Variants in ZMIZ1 observed in about 807,000 individuals in gnomAD.
ZMIZ1 encodes zinc finger MIZ-type containing 1.
Under a neutral mutation model 113.9 loss-of-function variants are expected in ZMIZ1, and 17 were observed. The ratio of observed to expected loss-of-function variants is 0.15; its 90% CI spans 0.10 to 0.22. ZMIZ1 has a LOEUF of 0.22. Ranked by LOEUF, ZMIZ1 falls within the 10% of genes least tolerant of loss-of-function variation. The pLI is 1.00. For missense variants in ZMIZ1, 1,059 were observed against 1,477.8 expected, an observed-to-expected ratio of 0.72 and a Z score of 4.65; for synonymous variants, 607 against 603.1, an observed-to-expected ratio of 1.01 and a Z score of -0.09.
rs142476547 is a variant in ZMIZ1 at position 79,205,623 on chromosome 10, C to T, written c.61-2713C>T. Among the ~76,000 whole-genome samples, 146 of 152,316 alleles carry T rather than the reference C, an allele frequency of 9.6e-4. No individual in the cohort carries two copies. In the Middle Eastern group the frequency reaches 0.01, roughly 11 times the overall value. Reference sequence around the variant, plus strand: ...GCAGCCCTGAATGCCATCACTACCCCGTTTCACAGATGAGGGTCTGATGTG... The same window carrying T: ...GCAGCCCTGAATGCCATCACTACCCTGTTTCACAGATGAGGGTCTGATGTG... On this transcript the variant is annotated intron_variant, in intron 5 of 24. Coordinates refer to ENST00000334512, the MANE Select transcript of ZMIZ1 (RefSeq NM_020338.4).
chr10:79,113,004 G>A (rs1458041572), intron 1 of ZMIZ1, among the ~76,000 whole-genome samples: 1 of 152,142 alleles, frequency 6.6e-6, no homozygotes, highest in East Asian at 1.9e-4. Context: ...GAGCTCCTGG[G>A]CTCTTGAGCA....
chr10:79,194,971 A>G (rs1353402670), intron 4 of ZMIZ1, among the ~76,000 whole-genome samples: 3 of 152,204 alleles, frequency 2.0e-5, no homozygotes, highest in African/African-American at 2.4e-5. Context: ...CATTTGCCCA[A>G]CTAAGCCCAG....
At chr10:79,106,899 G>C (rs903636564) in intron 1 of ZMIZ1, among the ~76,000 whole-genome samples, 2 of 152,254 alleles carry the variant, frequency 1.3e-5, no homozygotes, top group Admixed American at 1.3e-4. Flanking sequence ...CCTGGTTTCA[G>C]ATCCTTCATC....
intron 1 of ZMIZ1, among the ~76,000 whole-genome samples, chr10:79,113,800 C>CAGTGGAG (rs2132303401): frequency 6.6e-6 from 1 of 152,156 alleles, no homozygotes; most frequent in Admixed American, 6.5e-5. Flanking sequence ...AGCCCCCTCT[C>CAGTGGAG]CATTGATGGC....
At chr10:79,197,588 C>G (rs1847882628) in intron 4 of ZMIZ1, among the ~76,000 whole-genome samples, 1 of 130,194 alleles carries the variant, frequency 7.7e-6, no homozygotes, top group Non-Finnish European at 1.6e-5. Context: ...CCTGCCAACC[C>G]AGACCATACA....
At chr10:79,295,545 G>A (rs1323179679) in intron 12 of ZMIZ1, 1 of 152,244 alleles carries the variant, frequency 6.6e-6, no homozygotes, top group Admixed American at 6.5e-5. Flanking sequence ...TTGGTGGGCA[G>A]GTAGGCACCA....
intron 7 of ZMIZ1, among the ~76,000 whole-genome samples, chr10:79,229,983 A>C (rs572986886): frequency 6.6e-6 from 1 of 152,312 alleles, no homozygotes; most frequent in South Asian, 2.1e-4. Flanking sequence ...ACTGAGGCTC[A>C]GAGAGGTTAA....
chr10:79,290,629 C>G (rs895882520), intron 9 of ZMIZ1: 1 of 504,020 alleles, frequency 2.0e-6, no homozygotes, highest in Non-Finnish European at 3.8e-6. Flanking sequence ...GCTCTCCCCA[C>G]GGGTACCTGG....
intron 7 of ZMIZ1, among the ~76,000 whole-genome samples, chr10:79,274,655 G>A (rs1380039717): frequency 6.6e-6 from 1 of 152,242 alleles, no homozygotes; most frequent in East Asian, 1.9e-4. Context: ...CGGCCTCGGG[G>A]GTGAGGGGTG....
intron 4 of ZMIZ1, among the ~76,000 whole-genome samples, chr10:79,164,962 C>T (rs1352172701): frequency 2.0e-5 from 3 of 152,176 alleles, no homozygotes. Context: ...GGCACCAGTG[C>T]CTGCTCCCCG....
Position 79,291,152 on chromosome 10 carries a change from C to T in ZMIZ1, c.734C>T (p.Pro245Leu). 1 of 1,611,576 alleles carries T rather than the reference C, an allele frequency of 6.2e-7. No individual in the cohort carries two copies. The highest frequency in any genetic ancestry group is 8.5e-7 in the Non-Finnish European group (1 of 1,178,126). ...QQSMYGRPNY[P>L]GSGGFGASYP... ...AGCATGTATGGCCGGCCCAACTACCCCGGCAGCGGGGGCTTTGGGGCCAGG... is the reference window on the plus strand; with the variant it reads ...AGCATGTATGGCCGGCCCAACTACCTCGGCAGCGGGGGCTTTGGGGCCAGG... The change falls in exon 10 of 25, where the codon CCC (proline) becomes CTC (leucine). Residue 245 changes from proline to leucine, a missense_variant. Physicochemically the swap from Pro to Leu is moderately conservative, Grantham distance 98 (BLOSUM62 -3). Coordinates refer to ENST00000334512, the MANE Select transcript of ZMIZ1 (RefSeq NM_020338.4).
intron 6 of ZMIZ1, among the ~76,000 whole-genome samples, chr10:79,212,149 TTTTTTTTTAA>T (rs1455076165): frequency 6.6e-6 from 1 of 151,886 alleles, no homozygotes; most frequent in Non-Finnish European, 1.5e-5. Flanking sequence ...TCTTCTTCTT[TTTTTTTTTAA>T]TTTTTTTTAA....
rs559009274 is a variant in ZMIZ1, at chr10:79,309,947, T to C, written c.2836-977T>C. Among the ~76,000 whole-genome samples the C allele has an allele frequency of 1.1e-3, 169 of 152,150 alleles. 1 individual carries two copies. The South Asian group carries it at 0.011, about 10-fold the overall frequency. On this transcript the variant is annotated intron_variant, in intron 23 of 24. Coordinates refer to ENST00000334512, the MANE Select transcript of ZMIZ1 (RefSeq NM_020338.4). Reference sequence around the variant, plus strand: ...GGATCAGGGCTTGGTCTGCGAGGATTCCCCGGCCTTTCACTTTGAAGGAGG... The same window carrying C: ...GGATCAGGGCTTGGTCTGCGAGGATCCCCCGGCCTTTCACTTTGAAGGAGG...
intron 7 of ZMIZ1, among the ~76,000 whole-genome samples, chr10:79,253,006 A>C (rs977348817): frequency 1.3e-5 from 2 of 152,206 alleles, no homozygotes; most frequent in African/African-American, 4.8e-5. Context: ...TGGTCCAGGC[A>C]CTGTGGGGAA....
intron 1 of ZMIZ1, among the ~76,000 whole-genome samples, chr10:79,108,200 G>A (rs1217331894): frequency 6.6e-6 from 1 of 152,198 alleles, no homozygotes; most frequent in East Asian, 1.9e-4. Flanking sequence ...AGCATCCACA[G>A]AGGAGCTTTT....
intron 4 of ZMIZ1, among the ~76,000 whole-genome samples, chr10:79,181,166 G>A (rs979006501): frequency 1.3e-5 from 2 of 152,182 alleles, no homozygotes; most frequent in African/African-American, 2.4e-5. Flanking sequence ...GGCTTGGGCA[G>A]GAGCAGGGAG....
intron 1 of ZMIZ1, among the ~76,000 whole-genome samples, chr10:79,107,601 C>G (rs575800733): frequency 1.3e-5 from 2 of 152,180 alleles, no homozygotes; most frequent in African/African-American, 2.4e-5. Context: ...TGGGCACCAC[C>G]GGGCGGTGGG....
At chr10:79,199,362 C>G (rs1290559334) in intron 4 of ZMIZ1, among the ~76,000 whole-genome samples, 1 of 151,978 alleles carries the variant, frequency 6.6e-6, no homozygotes, top group Non-Finnish European at 1.5e-5. Context: ...AAAAAATTAG[C>G]CAGGCATAGT....
At chr10:79,310,115 AC>A (rs1855020916) in intron 23 of ZMIZ1, among the ~76,000 whole-genome samples, 1 of 152,080 alleles carries the variant, frequency 6.6e-6, no homozygotes, top group Non-Finnish European at 1.5e-5. Context: ...CGCCAGCCTC[AC>A]CCTCAGCAAG....
Sources: allele counts gnomAD v4.1 joint callset (sites outside exome capture counted in the v4.1 genomes callset), GRCh38; gene constraint gnomAD v4.1.1; transcripts MANE v1.5; gene names NCBI Gene and HGNC (gene_info 2026-07-23, HGNC 2026-07-21).